The following FRAT1 variants were observed in gnomAD, a reference collection of about 807,000 sequenced individuals.
The protein encoded by FRAT1 is FRAT regulator of Wnt signaling pathway 1.
FRAT1 carries 9 observed loss-of-function variants against 16.9 expected under a neutral mutation model. That is an observed-to-expected ratio of 0.53 (90% CI 0.32 to 0.93). FRAT1 has a LOEUF of 0.93. Among genes scored for constraint, FRAT1 ranks in the 40% least tolerant of loss-of-function variants. The pLI is 0.04. For synonymous variants in FRAT1, 191 were observed against 202.1 expected (o/e 0.95, Z 0.46); for missense variants, 354 against 402.8 (o/e 0.88, Z 1.04).
Position 97,320,118 on chromosome 10 carries a change from C to G in FRAT1, c.665C>G (p.Ser222Trp), listed in dbSNP as rs776145838. 8.7e-6 allele frequency: 14 copies of G among 1,609,860 alleles called. No individual in the cohort carries two copies. The highest frequency in any genetic ancestry group is 8.5e-7 in the Non-Finnish European group (1 of 1,178,338). Residue 222 changes from serine (S) to tryptophan (W), a missense_variant, in exon 1 of 1, where the codon TCG becomes TGG. By Grantham distance (177) the Ser-to-Trp change is radical. Transcript: ENST00000371021. ...AAGGAGGCCGTGCGAAGGCTTCATTCGCGACGGCTGCAGTTACGTGCAAAG... is the reference window on the plus strand; with the variant it reads ...AAGGAGGCCGTGCGAAGGCTTCATTGGCGACGGCTGCAGTTACGTGCAAAG... ...LIKEAVRRLHSRRLQLRAKLP... is the reference protein window; with the variant it reads ...LIKEAVRRLHWRRLQLRAKLP...
chr10:97,319,419 C>A lies in FRAT1; in HGVS notation c.-35C>A, dbSNP rs1589393253. 7.5e-7 allele frequency: 1 copy of A among 1,338,472 alleles called. No homozygotes were observed. Among genetic ancestry groups the A allele is most frequent in the Non-Finnish European group, 9.6e-7 (1 of 1,045,154 alleles). 82.9% of individuals were successfully genotyped at this position (1,338,472 alleles called of 1,614,324 possible). ...CCGCCGGCAGCCGAGCCCCCAGCGA[C>A]GCCCGCACAGCTCCGGGTGCCCAGA... On this transcript the variant is annotated 5_prime_UTR_variant, in exon 1 of 1. Transcript: ENST00000371021.
chr10:97,321,255 G>A lies in FRAT1; in HGVS notation c.*962G>A, dbSNP rs1418224007. 1 of 165,996 alleles carries A rather than the reference G, an allele frequency of 6.0e-6. No individual in the cohort carries two copies. Among genetic ancestry groups the A allele is most frequent in the Non-Finnish European group, 1.5e-5 (1 of 68,134 alleles). The allele number at this position is 165,996 out of a possible 1,614,324, so 10.3% of individuals were successfully genotyped here. A position where few individuals can be genotyped will look rare whatever the true frequency, so the allele number is the denominator to read the frequency against. On this transcript the variant is annotated 3_prime_UTR_variant, in exon 1 of 1. Coordinates refer to ENST00000371021, the MANE Select transcript of FRAT1 (RefSeq NM_005479.4). ...CTTCGGTAGGCGACCACCGCCCCTGGCCGCGCTCCGGGCTTTCACGGAAAC... is the reference window on the plus strand; with the variant it reads ...CTTCGGTAGGCGACCACCGCCCCTGACCGCGCTCCGGGCTTTCACGGAAAC...
In FRAT1 at chr10:97,319,927, G is replaced by A; in HGVS notation, c.474G>A (p.Gln158=). ...ATGGGCCTCCGGGAGCTGGCAAGCAGGGCATCCCGCAGCCGCTGTCGGGTC... is the reference window on the plus strand; with the variant it reads ...ATGGGCCTCCGGGAGCTGGCAAGCAAGGCATCCCGCAGCCGCTGTCGGGTC... The part of the protein sequence containing the change: ...DLDGPPGAGK[Q]GIPQPLSGPC... The change falls in exon 1 of 1, where the codon CAG becomes CAA. Residue 158 remains glutamine (Q), a synonymous_variant. Coordinates refer to ENST00000371021, the MANE Select transcript of FRAT1 (RefSeq NM_005479.4). 1 of 1,532,168 alleles carries A rather than the reference G, an allele frequency of 6.5e-7. No homozygotes were observed. Among genetic ancestry groups the A allele is most frequent in the Non-Finnish European group, 8.7e-7 (1 of 1,144,844 alleles). The allele number at this position is 1,532,168 out of a possible 1,614,324, so 94.9% of individuals were successfully genotyped here.
At position 97,319,300 on chromosome 10, in the gene FRAT1, G is replaced by C. The variant is rs1843434710; in HGVS notation, c.-154G>C. 2.9e-6 allele frequency: 3 copies of C among 1,036,488 alleles called. No homozygotes were observed. The highest frequency in any genetic ancestry group is 4.2e-5 in the South Asian group (1 of 23,810). 64.2% of individuals were successfully genotyped at this position (1,036,488 alleles called of 1,614,324 possible). A position where few individuals can be genotyped will look rare whatever the true frequency, so the allele number is the denominator to read the frequency against. On this transcript the variant is annotated 5_prime_UTR_variant, in exon 1 of 1. Transcript: ENST00000371021. ...TCCCGCGGCTGCAGGCGCGCGGCTA[G>C]AGTGCCTGGCGGGCTCCGGCTTCCG...
rs1014769365 is a variant in FRAT1, at chr10:97,319,458, C to G, written c.5C>G (p.Pro2Arg). 4 of 1,433,990 alleles carry G rather than the reference C, an allele frequency of 2.8e-6. No individual in the cohort carries two copies. Among genetic ancestry groups the G allele is most frequent in the African/African-American group, 1.5e-5 (1 of 68,072 alleles). 88.8% of individuals were successfully genotyped at this position (1,433,990 alleles called of 1,614,324 possible). Residue 2 changes from proline (P) to arginine (R), a missense_variant, in exon 1 of 1, where the codon CCG (proline) becomes CGG (arginine). By Grantham distance (103) the Pro-to-Arg change is moderately radical. Transcript: ENST00000371021. ...CGGGTGCCCAGACAGGGGGCCATGCCGTGCCGGAGGGAGGAGGAAGAGGAA... is the reference window on the plus strand; with the variant it reads ...CGGGTGCCCAGACAGGGGGCCATGCGGTGCCGGAGGGAGGAGGAAGAGGAA... M[P>R]CRREEEEEAG... is the part of the protein sequence containing the mutation.
At position 97,319,279 on chromosome 10, in the gene FRAT1, G is replaced by A. The variant is rs1199636239; in HGVS notation, c.-175G>A. The A allele has an allele frequency of 1.2e-6, 1 of 804,020 alleles. No homozygotes were observed. Among genetic ancestry groups the A allele is most frequent in the South Asian group, 5.6e-5 (1 of 17,878 alleles). The allele number at this position is 804,020 out of a possible 1,614,324, so 49.8% of individuals were successfully genotyped here. A position where few individuals can be genotyped will look rare whatever the true frequency, so the allele number is the denominator to read the frequency against. ...CCGAGCCGGCAGGATTCCGGCTCCC[G>A]CGGCTGCAGGCGCGCGGCTAGAGTG... On this transcript the variant is annotated 5_prime_UTR_variant, in exon 1 of 1. Coordinates refer to ENST00000371021, the MANE Select transcript of FRAT1 (RefSeq NM_005479.4).
chr10:97,319,570 G>A lies in FRAT1; in HGVS notation c.117G>A (p.Glu39=). 1 of 1,463,204 alleles carries A rather than the reference G, an allele frequency of 6.8e-7. No individual in the cohort carries two copies. Among genetic ancestry groups the A allele is most frequent in the South Asian group, 1.3e-5 (1 of 77,132 alleles). 90.6% of individuals were successfully genotyped at this position (1,463,204 alleles called of 1,614,324 possible). The change falls in exon 1 of 1, where the codon GAG becomes GAA. Residue 39 remains glutamate (E), a synonymous_variant. Coordinates refer to ENST00000371021, the MANE Select transcript of FRAT1 (RefSeq NM_005479.4). ...QQSVALGSSG[E]VDRLVAQIGE... is the part of the protein sequence containing the mutation. ...CAGTGGCGCTGGGCAGCTCGGGCGAGGTGGACCGGCTGGTGGCCCAGATCG... is the reference window on the plus strand; with the variant it reads ...CAGTGGCGCTGGGCAGCTCGGGCGAAGTGGACCGGCTGGTGGCCCAGATCG...
Position 97,319,942 on chromosome 10 carries a change from G to A in FRAT1, c.489G>A (p.Pro163=). 1 of 1,536,026 alleles carries A rather than the reference G, an allele frequency of 6.5e-7. No individual in the cohort carries two copies. Among genetic ancestry groups the A allele is most frequent in the Non-Finnish European group, 8.7e-7 (1 of 1,145,562 alleles). ...CTGGCAAGCAGGGCATCCCGCAGCC[G>A]CTGTCGGGTCCGTGCCGGCGAGGAT... ...PGAGKQGIPQ[P]LSGPCRRGWL... is the part of the protein sequence containing the mutation. Residue 163 remains proline, a synonymous_variant, in exon 1 of 1, where the codon CCG becomes CCA. Coordinates refer to ENST00000371021, the MANE Select transcript of FRAT1 (RefSeq NM_005479.4).
In FRAT1 at chr10:97,319,667, C is replaced by T. The variant is rs1015296160; in HGVS notation, c.214C>T (p.Arg72Trp). ...SPCGPPGAPL[R>W]APGPLAAAVP... The stretch of plus-strand genomic sequence containing the variant: ...GTGCGGGCCCCCGGGGGCGCCGCTG[C>T]GGGCCCCGGGGCCCCTGGCTGCGGC... The change falls in exon 1 of 1, where the codon CGG becomes TGG. Residue 72 changes from arginine to tryptophan, a missense_variant. Transcript: ENST00000371021. 64 of 1,192,138 alleles carry T rather than the reference C, an allele frequency of 5.4e-5. No individual in the cohort carries two copies. The Middle Eastern group carries it at 1.7e-3, about 31-fold the overall frequency. The allele number at this position is 1,192,138 out of a possible 1,614,324, so 73.8% of individuals were successfully genotyped here.
Position 97,320,001 on chromosome 10 carries a change from A to C in FRAT1, c.548A>C (p.Gln183Pro), listed in dbSNP as rs1160955357. ...LRGAAASRRL[Q>P]QRRGSQPETR... ...GGCGCCGCCGCCTCCCGCCGCCTGC[A>C]GCAGCGACGCGGGTCCCAACCAGAA... Residue 183 changes from glutamine (Q) to proline (P), a missense_variant, in exon 1 of 1, where the codon CAG (glutamine) becomes CCG (proline). Around this residue, in one of 3 missense-constraint regions of FRAT1, gnomAD observed 286 missense variants for 311.0 expected, o/e 0.92. Transcript: ENST00000371021. 6.4e-7 allele frequency: 1 copy of C among 1,553,084 alleles called. No homozygotes were observed. Among genetic ancestry groups the C allele is most frequent in the Admixed American group, 1.9e-5 (1 of 51,514 alleles).
In FRAT1 at chr10:97,320,247, G is replaced by C; in HGVS notation, c.794G>C (p.Arg265Thr). 6.2e-7 allele frequency: 1 copy of C among 1,602,878 alleles called. No individual in the cohort carries two copies. Among genetic ancestry groups the C allele is most frequent in the Non-Finnish European group, 8.5e-7 (1 of 1,175,556 alleles). Residue 265 changes from arginine (R) to threonine (T), a missense_variant, in exon 1 of 1, where the codon AGG becomes ACG. Physicochemically the swap from Arg to Thr is moderately conservative, Grantham distance 71. Around this residue, in one of 3 missense-constraint regions of FRAT1, gnomAD observed 286 missense variants for 311.0 expected, o/e 0.92. Coordinates refer to ENST00000371021, the MANE Select transcript of FRAT1 (RefSeq NM_005479.4). The stretch of plus-strand genomic sequence containing the variant: ...TGCAGTGACCCTGGCGCCTCCGGGA[G>C]GGCGCAGCTCAGAACTGGCGACGGC... ...AACSDPGASG[R>T]AQLRTGDGVL...
At position 97,321,165 on chromosome 10, in the gene FRAT1, C is replaced by T. The variant is rs1277433707; in HGVS notation, c.*872C>T. The T allele has an allele frequency of 1.2e-5, 2 of 166,956 alleles. No individual in the cohort carries two copies. Among genetic ancestry groups the T allele is most frequent in the East Asian group, 1.9e-4 (1 of 5,188 alleles). The allele number at this position is 166,956 out of a possible 1,614,324, so 10.3% of individuals were successfully genotyped here. On this transcript the variant is annotated 3_prime_UTR_variant, in exon 1 of 1. Transcript: ENST00000371021. ...CAGTGTTTTGCAAGTGCTGGAGTCT[C>T]CTGAGGACACGCGCGTCGCCGCCAC...
chr10:97,319,910 C>G lies in FRAT1; in HGVS notation c.457C>G (p.Pro153Ala). The change falls in exon 1 of 1, where the codon CCG (proline) becomes GCG (alanine). Residue 153 changes from proline (P) to alanine (A), a missense_variant. Pro to Ala is a conservative substitution (Grantham distance 27, BLOSUM62 -1). Around this residue, in one of 3 missense-constraint regions of FRAT1, gnomAD observed 286 missense variants for 311.0 expected, o/e 0.92. Transcript: ENST00000371021. Reference sequence around the variant, plus strand: ...CCCTCAGGCCGACCTTGATGGGCCTCCGGGAGCTGGCAAGCAGGGCATCCC... The same window carrying G: ...CCCTCAGGCCGACCTTGATGGGCCTGCGGGAGCTGGCAAGCAGGGCATCCC... ...LPPQADLDGP[P>A]GAGKQGIPQP... 6.5e-7 allele frequency: 1 copy of G among 1,531,516 alleles called. No individual in the cohort carries two copies. The highest frequency in any genetic ancestry group is 8.7e-7 in the Non-Finnish European group (1 of 1,145,088). The allele number at this position is 1,531,516 out of a possible 1,614,324, so 94.9% of individuals were successfully genotyped here.
rs899077499 is a variant in FRAT1 at position 97,319,362 on chromosome 10, C to T, written c.-92C>T. ...GCCCCGGTCCAGACTTAGTCTTCAG[C>T]TCCGCGCCCGCTCCGCCGCGGCCCA... is the stretch of plus-strand genomic sequence containing the variant. On this transcript the variant is annotated 5_prime_UTR_variant, in exon 1 of 1. Coordinates refer to ENST00000371021, the MANE Select transcript of FRAT1 (RefSeq NM_005479.4). 3.0e-5 allele frequency: 38 copies of T among 1,267,176 alleles called. No individual in the cohort carries two copies. The Admixed American group carries it at 3.4e-4, about 11-fold the overall frequency. 78.5% of individuals were successfully genotyped at this position (1,267,176 alleles called of 1,614,324 possible). A position where few individuals can be genotyped will look rare whatever the true frequency, so the allele number is the denominator to read the frequency against.
At position 97,319,987 on chromosome 10, in the gene FRAT1, C is replaced by T. The variant is rs776131347; in HGVS notation, c.534C>T (p.Ala178=). ...GAGGATGGCTCCGGGGCGCCGCCGCCTCCCGCCGCCTGCAGCAGCGACGCG... is the reference window on the plus strand; with the variant it reads ...GAGGATGGCTCCGGGGCGCCGCCGCTTCCCGCCGCCTGCAGCAGCGACGCG... The part of the protein sequence containing the change: ...CRRGWLRGAA[A]SRRLQQRRGS... Residue 178 remains alanine, a synonymous_variant, in exon 1 of 1, where the codon GCC becomes GCT. Transcript: ENST00000371021. 1.3e-6 allele frequency: 2 copies of T among 1,547,720 alleles called. No individual in the cohort carries two copies. Among genetic ancestry groups the T allele is most frequent in the Non-Finnish European group, 8.7e-7 (1 of 1,147,904 alleles).
Position 97,320,280 on chromosome 10 carries a change from T to G in FRAT1, c.827T>G (p.Val276Gly). The G allele has an allele frequency of 6.3e-7, 1 of 1,579,920 alleles. No individual in the cohort carries two copies. The highest frequency in any genetic ancestry group is 8.6e-7 in the Non-Finnish European group (1 of 1,162,784). The change falls in exon 1 of 1, where the codon GTG becomes GGG. Residue 276 changes from valine to glycine, a missense_variant. Val to Gly is a moderately radical substitution (Grantham distance 109). This residue lies in a region of FRAT1 where 286 missense variants were observed against 311.0 expected (regional missense o/e 0.92). Transcript: ENST00000371021. The part of the protein sequence containing the change: ...AQLRTGDGVL[V>G]PGS ...CTCAGAACTGGCGACGGCGTTCTTG[T>G]GCCTGGCAGCTAACACGCCCGGGGT...
In FRAT1 at chr10:97,319,500, AG is replaced by A; in HGVS notation, c.52del (p.Glu18ArgfsTer189). 3 of 1,475,250 alleles carry A rather than the reference AG, an allele frequency of 2.0e-6. No homozygotes were observed. Among genetic ancestry groups the A allele is most frequent in the Admixed American group, 2.2e-5 (1 of 44,484 alleles). 91.4% of individuals were successfully genotyped at this position (1,475,250 alleles called of 1,614,324 possible). A position where few individuals can be genotyped will look rare whatever the true frequency, so the allele number is the denominator to read the frequency against. On this transcript the variant is annotated frameshift_variant, in exon 1 of 1. Coordinates refer to ENST00000371021, the MANE Select transcript of FRAT1 (RefSeq NM_005479.4). LOFTEE classifies it high-confidence loss of function. ...GAAGAGGAAGCCGGCGAGGAGGCGG[AG>A]GGGGAGGAAGAGGAGGAGGACAGCT... The part of the protein sequence containing the change: ...EEEEEAGEEA[E>X]GEEEEEDSFL...
rs1589393663 is a variant in FRAT1 at position 97,320,199 on chromosome 10, C to T, written c.746C>T (p.Ser249Leu). The T allele has an allele frequency of 6.2e-7, 1 of 1,610,434 alleles. No homozygotes were observed. The highest frequency in any genetic ancestry group is 1.3e-5 in the African/African-American group (1 of 74,748). ...PLSAPVHEPP[S>L]PRSPRAACSD... The stretch of plus-strand genomic sequence containing the variant: ...TCGGCCCCGGTGCATGAACCCCCTT[C>T]GCCTCGCAGCCCTCGCGCGGCCTGC... Residue 249 changes from serine to leucine, a missense_variant, in exon 1 of 1, where the codon TCG becomes TTG. Ser to Leu is a moderately radical substitution (Grantham distance 145, BLOSUM62 -2). This residue lies in a region of FRAT1 where 286 missense variants were observed against 311.0 expected (regional missense o/e 0.92). Transcript: ENST00000371021.
rs1173549281 is a variant in FRAT1, at chr10:97,320,188, T to G, written c.735T>G (p.His245Gln). Residue 245 changes from histidine to glutamine, a missense_variant, in exon 1 of 1, where the codon CAT (histidine) becomes CAG (glutamine). His to Gln is a conservative substitution (Grantham distance 24). Coordinates refer to ENST00000371021, the MANE Select transcript of FRAT1 (RefSeq NM_005479.4). Reference sequence around the variant, plus strand: ...TGGGACCTCTGTCGGCCCCGGTGCATGAACCCCCTTCGCCTCGCAGCCCTC... The same window carrying G: ...TGGGACCTCTGTCGGCCCCGGTGCAGGAACCCCCTTCGCCTCGCAGCCCTC... Reference protein sequence around the residue: ...PLLGPLSAPVHEPPSPRSPRA... With the variant: ...PLLGPLSAPVQEPPSPRSPRA... 1.2e-6 allele frequency: 2 copies of G among 1,611,748 alleles called. No homozygotes were observed. The highest frequency in any genetic ancestry group is 1.3e-5 in the African/African-American group (1 of 74,818).
Sources: allele counts gnomAD v4.1 joint callset, GRCh38; gene constraint gnomAD v4.1.1; regional missense constraint gnomAD v4.1.1; transcripts MANE v1.5; gene names NCBI Gene and HGNC (gene_info 2026-07-23, HGNC 2026-07-21).